MYO5A: variants seen among roughly 807,000 people sequenced by gnomAD.
The protein encoded by MYO5A is unconventional myosin-Va.
In MYO5A, 98 loss-of-function variants were observed where a neutral mutation model predicts 249.7. The observed-to-expected ratio is 0.39, with a 90% CI of 0.33 to 0.46. The LOEUF is 0.46. MYO5A is among the 20% of genes least tolerant of loss of function. The pLI is 0.98. For missense variants in MYO5A, 1,696 were observed against 2,308.8 expected, an observed-to-expected ratio of 0.73 and a Z score of 5.44; for synonymous variants, 778 against 810.6, an observed-to-expected ratio of 0.96 and a Z score of 0.68.
chr15:52,494,443 G>A (rs1408610611), intron 1 of MYO5A, among the ~76,000 whole-genome samples: 2 of 152,080 alleles, frequency 1.3e-5, no homozygotes, highest in African/African-American at 4.8e-5. Context: ...AGTCACAGAG[G>A]TCCTTCAAAA....
At chr15:52,408,256 T>C (rs1467037885) in intron 6 of MYO5A, 116 bp from the exon 7 acceptor site, 1 of 660,208 alleles carries the variant, frequency 1.5e-6, no homozygotes, top group Admixed American at 2.5e-5. Flanking sequence ...AATTATACTT[T>C]CCTATATTTC....
intron 36 of MYO5A, among the ~76,000 whole-genome samples, chr15:52,325,416 T>C (rs1050544326): frequency 1.3e-5 from 2 of 151,896 alleles, no homozygotes; most frequent in African/African-American, 4.8e-5. Flanking sequence ...CACTTTTTTT[T>C]TTTTTTTTTG....
chr15:52,436,540 T>C (rs568329124), intron 1 of MYO5A, among the ~76,000 whole-genome samples: 1 of 152,372 alleles, frequency 6.6e-6, no homozygotes, highest in East Asian at 1.9e-4. Context: ...TACCATTCTC[T>C]ATTTTACATT....
intron 1 of MYO5A, among the ~76,000 whole-genome samples, chr15:52,498,888 T>C (rs1375573633): frequency 6.6e-6 from 1 of 152,206 alleles, no homozygotes; most frequent in African/African-American, 2.4e-5. Context: ...TATTAACCCC[T>C]AATGGAATAG....
chr15:52,470,907 C>T (rs527553609), intron 1 of MYO5A, among the ~76,000 whole-genome samples: 1 of 151,768 alleles, frequency 6.6e-6, no homozygotes, highest in South Asian at 2.1e-4. Context: ...CCTGTAGTCC[C>T]AGCTACTTGG....
At chr15:52,409,073 A>G (rs1397853875) in intron 6 of MYO5A, among the ~76,000 whole-genome samples, 1 of 152,090 alleles carries the variant, frequency 6.6e-6, no homozygotes, top group African/African-American at 2.4e-5. Context: ...ACTCATTTTG[A>G]CAAGCCAAAC....
intron 1 of MYO5A, among the ~76,000 whole-genome samples, chr15:52,484,883 T>C (rs1370528774): frequency 6.6e-6 from 1 of 152,054 alleles, no homozygotes; most frequent in East Asian, 1.9e-4. Flanking sequence ...TGCTCCTGGA[T>C]GAATTTTTTT....
intron 5 of MYO5A, among the ~76,000 whole-genome samples, chr15:52,414,092 G>A (rs1025328792): frequency 6.6e-6 from 1 of 152,170 alleles, no homozygotes; most frequent in East Asian, 1.9e-4. Context: ...AAGTTCTCCT[G>A]TAGTGAGTTC....
chr15:52,321,426 A>C lies in MYO5A; in HGVS notation c.4884T>G (p.Ser1628Arg), dbSNP rs779889600. 1 of 1,614,128 alleles carries C rather than the reference A, an allele frequency of 6.2e-7. No individual in the cohort carries two copies. Among genetic ancestry groups the C allele is most frequent in the Non-Finnish European group, 8.5e-7 (1 of 1,180,006 alleles). Residue 1628 changes from serine to arginine, a missense_variant, in exon 38 of 42, where the codon AGT becomes AGG. Physicochemically the swap from Ser to Arg is moderately radical, Grantham distance 110. Transcript: ENST00000399233. ...GCTGGTAGATCTGAATGGCCAAGTC[A>C]CTCAGCACCTGCCGATACTCAGCCA... ...FDLAEYRQVLSDLAIQIYQQL... is the reference protein window; with the variant it reads ...FDLAEYRQVLRDLAIQIYQQL...
At chr15:52,524,634 A>G (rs1007254518) in intron 1 of MYO5A, among the ~76,000 whole-genome samples, 8 of 151,760 alleles carry the variant, frequency 5.3e-5, no homozygotes, top group Admixed American at 2.0e-4. Flanking sequence ...ATCCCACACT[A>G]TGGGAGGTGG....
At chr15:52,481,153 T>A (rs559537303) in intron 1 of MYO5A, among the ~76,000 whole-genome samples, 96 of 152,308 alleles carry the variant, frequency 6.3e-4, no homozygotes, top group African/African-American at 2.2e-3. Flanking sequence ...ATTGCCAAAA[T>A]CCCAGTCAGC....
At chr15:52,313,948 A>G in intron 41 of MYO5A, 100 bp from the exon 42 acceptor site, 1 of 1,463,796 alleles carries the variant, frequency 6.8e-7, no homozygotes. Context: ...CAACTAATGA[A>G]GAATGTTTAC....
intron 5 of MYO5A, 66 bp from the exon 6 acceptor site, chr15:52,410,542 G>A: frequency 6.8e-7 from 1 of 1,470,418 alleles, no homozygotes; most frequent in Non-Finnish European, 9.5e-7. Context: ...TACAGAATCT[G>A]CTCAGAGAGA....
At chr15:52,475,420 C>A (rs902894871) in intron 1 of MYO5A, among the ~76,000 whole-genome samples, 2 of 152,050 alleles carry the variant, frequency 1.3e-5, no homozygotes, top group African/African-American at 4.8e-5. Flanking sequence ...TATTTCTTGC[C>A]TTCTGCTAGC....
chr15:52,528,355 A>C (rs1171158953), intron 1 of MYO5A, among the ~76,000 whole-genome samples: 2 of 152,162 alleles, frequency 1.3e-5, no homozygotes, highest in African/African-American at 4.8e-5. Context: ...CTGCATACCA[A>C]CACAAGACGT....
At chr15:52,438,710 A>C (rs573581291) in intron 1 of MYO5A, among the ~76,000 whole-genome samples, 218 of 152,366 alleles carry the variant, frequency 1.4e-3, no homozygotes, top group African/African-American at 5.0e-3. Context: ...AATGATCGGG[A>C]TATAAACCCA....
At chr15:52,449,253 G>A (rs553344293) in intron 1 of MYO5A, among the ~76,000 whole-genome samples, 1 of 152,200 alleles carries the variant, frequency 6.6e-6, no homozygotes, top group African/African-American at 2.4e-5. Context: ...ACAGGCGTGA[G>A]CCACTGCGCC....
chr15:52,402,675 T>C (rs2042815684), intron 9 of MYO5A, among the ~76,000 whole-genome samples: 1 of 151,958 alleles, frequency 6.6e-6, no homozygotes, highest in South Asian at 2.1e-4. Context: ...TGAAACCCTG[T>C]CTCTACTAAA....
At chr15:52,318,456 C>CAAA (rs35901511) in intron 39 of MYO5A, among the ~76,000 whole-genome samples, 122 of 86,330 alleles carry the variant, frequency 1.4e-3, no homozygotes, top group Middle Eastern at 7.2e-3. Context: ...AACTCCATCT[C>CAAA]AAAAAAAAAA....
Sources: allele counts gnomAD v4.1 joint callset (sites outside exome capture counted in the v4.1 genomes callset), GRCh38; gene constraint gnomAD v4.1.1; transcripts MANE v1.5; gene names NCBI Gene and HGNC (gene_info 2026-07-23, HGNC 2026-07-21).